The following NAV1 variants were observed in gnomAD, a reference collection of about 807,000 sequenced individuals.
NAV1 encodes the protein pore membrane and/or filament interacting like protein 3.
In NAV1, 18 loss-of-function variants were observed where a neutral mutation model predicts 175.2. The observed-to-expected ratio is 0.10, with a 90% CI of 0.07 to 0.15. The LOEUF is 0.15. NAV1 is among the 10% of genes least tolerant of loss of function. NAV1 has a pLI of 1.00. For synonymous variants in NAV1, 897 were observed against 978.7 expected (o/e 0.92, Z 1.56); for missense variants, 1,731 against 2,436.6 (o/e 0.71, Z 6.10).
chr1:201,794,644 A>C, intron 15 of NAV1, 67 bp downstream of exon 19: 1 of 1,363,546 alleles, frequency 7.3e-7, no homozygotes. Flanking sequence ...ACAGATTTTT[A>C]TCTGGGCCCA....
At chr1:201,826,776 C>T (rs906938887) in exon 30 of NAV1, 16 of 152,062 alleles carry the variant, frequency 1.1e-4, no homozygotes, top group Non-Finnish European at 2.4e-4. Context: ...CGGGCTGTCC[C>T]CTCAGTAATT....
chr1:201,761,489 G>A (rs1032261496), intron 3 of NAV1, among the ~76,000 whole-genome samples: 1 of 152,204 alleles, frequency 6.6e-6, no homozygotes, highest in African/African-American at 2.4e-5. Flanking sequence ...TGAATTTGGG[G>A]CCTGATTCCT....
intron 3 of NAV1, among the ~76,000 whole-genome samples, chr1:201,747,216 G>T (rs1007653858): frequency 2.0e-5 from 3 of 152,092 alleles, no homozygotes; most frequent in South Asian, 4.1e-4. Context: ...GTGGCTGTGC[G>T]GGCAGTTGCC....
At chr1:201,728,678 C>G (rs1340091606) in intron 3 of NAV1, among the ~76,000 whole-genome samples, 1 of 151,924 alleles carries the variant, frequency 6.6e-6, no homozygotes, top group Non-Finnish European at 1.5e-5. Context: ...CCAGGCTGGT[C>G]TCAAACTCCT....
chr1:201,704,353 A>G (rs1263611109), intron 1 of NAV1, among the ~76,000 whole-genome samples: 2 of 152,230 alleles, frequency 1.3e-5, no homozygotes, highest in Non-Finnish European at 2.9e-5. Flanking sequence ...CAGCAAGGCC[A>G]CAGCCGGCTG....
intron 1 of NAV1, among the ~76,000 whole-genome samples, chr1:201,660,192 A>G (rs954207801): frequency 6.6e-6 from 1 of 152,120 alleles, no homozygotes; most frequent in African/African-American, 2.4e-5. Flanking sequence ...AGCAGAGCCT[A>G]TTTGGGGTGG....
At chr1:201,756,796 CTTTCTTTCTTTCCTTCTTT>C (rs1558131165) in intron 3 of NAV1, among the ~76,000 whole-genome samples, 6 of 48,940 alleles carry the variant, frequency 1.2e-4, no homozygotes, top group African/African-American at 6.1e-4. Flanking sequence ...GAGCAATTCT[CTTTCTTTCTTTCCTTCTTT>C]CTTTCTTTCT....
At chr1:201,781,689 TCTCAGGAAGATC>T (rs1676334990) in intron 5 of NAV1, among the ~76,000 whole-genome samples, 1 of 152,316 alleles carries the variant, frequency 6.6e-6, no homozygotes, top group African/African-American at 2.4e-5. Flanking sequence ...CAGCTTGACA[TCTCAGGAAGATC>T]CTAAGAAAAC....
intron 1 of NAV1, among the ~76,000 whole-genome samples, chr1:201,543,007 C>T (rs867444973): frequency 6.6e-6 from 1 of 152,288 alleles, no homozygotes; most frequent in South Asian, 2.1e-4. Context: ...TTTATTAGCT[C>T]TAGTAGCTTT....
At chr1:201,752,446 T>G (rs1674179098) in intron 3 of NAV1, among the ~76,000 whole-genome samples, 1 of 152,210 alleles carries the variant, frequency 6.6e-6, no homozygotes. Context: ...TTAAGAGGGC[T>G]TCTTGGGAGC....
chr1:201,780,168 G>T (rs1182061002), intron 3 of NAV1, among the ~76,000 whole-genome samples: 1 of 152,160 alleles, frequency 6.6e-6, no homozygotes, highest in African/African-American at 2.4e-5. Flanking sequence ...ATACCTTTCT[G>T]TTAAGAAGAT....
chr1:201,560,432 A>G (rs1666164933), intron 1 of NAV1, among the ~76,000 whole-genome samples: 1 of 152,140 alleles, frequency 6.6e-6, no homozygotes, highest in Non-Finnish European at 1.5e-5. Flanking sequence ...GGCCAGAACA[A>G]CTTGCCCCAT....
chr1:201,645,400 GT>G (rs1489376701), upstream of NAV1, among the ~76,000 whole-genome samples: 1 of 110,504 alleles, frequency 9.0e-6, no homozygotes, highest in Non-Finnish European at 1.7e-5. Context: ...GGGGACTGTT[GT>G]GGGGTGGGGG....
chr1:201,540,134 G>A (rs1665465748), intron 1 of NAV1, among the ~76,000 whole-genome samples: 1 of 152,232 alleles, frequency 6.6e-6, no homozygotes, highest in African/African-American at 2.4e-5. Flanking sequence ...GGCAGGAACT[G>A]GAGAGGACGC....
chr1:201,680,356 A>G (rs1289132213), intron 1 of NAV1, among the ~76,000 whole-genome samples: 2 of 152,102 alleles, frequency 1.3e-5, no homozygotes, highest in Non-Finnish European at 2.9e-5. Context: ...AAAATACAAA[A>G]TTAGCCAGGC....
At chr1:201,686,584 T>G (rs962560200) in intron 1 of NAV1, among the ~76,000 whole-genome samples, 4 of 152,250 alleles carry the variant, frequency 2.6e-5, no homozygotes, top group African/African-American at 9.6e-5. Flanking sequence ...CATTTCTTTA[T>G]GCTGAACTGA....
At chr1:201,770,173 C>T (rs1675481628) in intron 3 of NAV1, among the ~76,000 whole-genome samples, 1 of 152,210 alleles carries the variant, frequency 6.6e-6, no homozygotes, top group African/African-American at 2.4e-5. Context: ...CCAAGAACTA[C>T]GTTAGTGTTG....
intron 3 of NAV1, among the ~76,000 whole-genome samples, chr1:201,757,478 T>C (rs1032747023): frequency 2.0e-5 from 3 of 152,318 alleles, no homozygotes; most frequent in African/African-American, 7.2e-5. Context: ...GGTCTTGAAC[T>C]CCTGGCCTCG....
chr1:201,565,785 G>A (rs1299814655), intron 1 of NAV1, among the ~76,000 whole-genome samples: 1 of 152,124 alleles, frequency 6.6e-6, no homozygotes, highest in East Asian at 1.9e-4. Flanking sequence ...GTTGAAGGTG[G>A]GACCCCAGGC....
Sources: allele counts gnomAD v4.1 joint callset (sites outside exome capture counted in the v4.1 genomes callset), GRCh38; gene constraint gnomAD v4.1.1; transcripts MANE v1.5; gene names NCBI Gene and HGNC (gene_info 2026-07-23, HGNC 2026-07-21).